The following VPS13B variants were observed in gnomAD, a reference collection of about 807,000 sequenced individuals.
VPS13B encodes intermembrane lipid transfer protein VPS13B.
Under a neutral mutation model 426.4 loss-of-function variants are expected in VPS13B, and 285 were observed. That is an observed-to-expected ratio of 0.67 (90% CI 0.61 to 0.74). The LOEUF (loss-of-function observed/expected upper bound fraction) is 0.74, where lower values mean the gene tolerates loss of function less well. VPS13B is among the 30% of genes least tolerant of loss of function. The pLI, the probability that VPS13B is intolerant of heterozygous loss-of-function variation, is 0.00. For synonymous variants in VPS13B, 1,676 were observed against 1,676.4 expected, an observed-to-expected ratio of 1.00 and a Z score of 0.01; for missense variants, 4,537 against 4,782.6, an observed-to-expected ratio of 0.95 and a Z score of 1.51.
chr8:99,411,281 G>A (rs1397532125), intron 21 of VPS13B, among the ~76,000 whole-genome samples: 5 of 152,142 alleles, frequency 3.3e-5, no homozygotes, highest in Non-Finnish European at 5.9e-5. Flanking sequence ...GTATCTCATT[G>A]TGGTTTTGAT....
chr8:99,818,958 C>CGGG, intron 47 of VPS13B, 70 bp downstream of exon 47: 3 of 286,254 alleles, frequency 1.0e-5, no homozygotes, highest in Admixed American at 4.9e-5. Context: ...TAACCTTGCA[C>CGGG]TGGGGGGCGG....
intron 22 of VPS13B, among the ~76,000 whole-genome samples, chr8:99,433,241 A>G (rs1473404039): frequency 6.6e-6 from 1 of 152,194 alleles, no homozygotes; most frequent in Non-Finnish European, 1.5e-5. Flanking sequence ...TTCACCCACC[A>G]TGGGAAATGA....
chr8:99,533,504 G>T (rs1019021850), intron 30 of VPS13B, among the ~76,000 whole-genome samples: 1 of 152,098 alleles, frequency 6.6e-6, no homozygotes, highest in African/African-American at 2.4e-5. Context: ...CCAATATGAA[G>T]TAACATTAAT....
At chr8:99,688,749 T>A (rs1174118577) in intron 35 of VPS13B, among the ~76,000 whole-genome samples, 1 of 152,046 alleles carries the variant, frequency 6.6e-6, no homozygotes, top group Middle Eastern at 3.2e-3. Context: ...GGCAGATTGA[T>A]TAATAGAAAA....
At chr8:99,868,201 A>G in intron 58 of VPS13B, 88 bp from the exon 59 acceptor site, 1 of 1,559,084 alleles carries the variant, frequency 6.4e-7, no homozygotes, top group Non-Finnish European at 8.8e-7. Flanking sequence ...CTCATTTTCA[A>G]TCCAGATAAA....
chr8:99,014,816 C>T (rs1293460862), intron 2 of VPS13B, among the ~76,000 whole-genome samples: 3 of 151,524 alleles, frequency 2.0e-5, no homozygotes, highest in Non-Finnish European at 4.4e-5. Flanking sequence ...CTTTATTAAT[C>T]GTTTTAGTTT....
intron 3 of VPS13B, among the ~76,000 whole-genome samples, chr8:99,076,310 A>G (rs558143331): frequency 1.3e-5 from 2 of 152,320 alleles, no homozygotes; most frequent in East Asian, 3.9e-4. Context: ...TTATGTGCTG[A>G]TGAGTCGAAT....
At chr8:99,508,230 T>G (rs923853803) in intron 28 of VPS13B, among the ~76,000 whole-genome samples, 6 of 152,190 alleles carry the variant, frequency 3.9e-5, no homozygotes, top group African/African-American at 1.4e-4. Flanking sequence ...CTCTTACGAT[T>G]CTTAATAAGA....
intron 57 of VPS13B, among the ~76,000 whole-genome samples, chr8:99,860,593 C>G (rs1247079150): frequency 2.6e-5 from 4 of 152,144 alleles, no homozygotes; most frequent in South Asian, 4.1e-4. Context: ...TGTTGGCATC[C>G]CTATGTGTGT....
Position 99,744,893 on chromosome 8 carries a change from C to T in VPS13B, c.7051-21881C>T, listed in dbSNP as rs1023213487. On this transcript the variant is annotated intron_variant, in intron 39 of 61. Coordinates refer to ENST00000357162, the MANE Select transcript of VPS13B (RefSeq NM_152564.5). ...TTAAATGACGAGTTAATGGGTGCAG[C>T]ACACCAACATGGCACATGTATACAT... Among the ~76,000 whole-genome samples, 7 of 152,008 alleles carry T rather than the reference C, an allele frequency of 4.6e-5. No individual in the cohort carries two copies. The South Asian group carries it at 8.3e-4, about 18-fold the overall frequency.
chr8:99,042,181 A>C (rs777972397), intron 3 of VPS13B, among the ~76,000 whole-genome samples: 1 of 152,098 alleles, frequency 6.6e-6, no homozygotes, highest in Non-Finnish European at 1.5e-5. Context: ...TGAACCTAAA[A>C]ATCTGAGATT....
rs781276701 is a variant in VPS13B at position 99,776,827 on chromosome 8, A to G, written c.7300A>G (p.Thr2434Ala). 8 of 1,614,054 alleles carry G rather than the reference A, an allele frequency of 5.0e-6. No homozygotes were observed. Among genetic ancestry groups the G allele is most frequent in the Non-Finnish European group, 5.9e-6 (7 of 1,179,954 alleles). Residue 2434 changes from threonine to alanine, a missense_variant, in exon 41 of 62, where the codon ACA becomes GCA. Thr to Ala is a moderately conservative substitution (Grantham distance 58). Transcript: ENST00000357162. ...QSTCDPLVTP[T>A]ALAACTRVDS... ...CACTTGTGATCCACTTGTGACTCCA[A>G]CAGCCCTGGCTGCCTGTACCAGAGT...
chr8:99,725,306 A>G (rs1270843592), intron 39 of VPS13B, among the ~76,000 whole-genome samples: 2 of 152,186 alleles, frequency 1.3e-5, no homozygotes, highest in Non-Finnish European at 2.9e-5. Flanking sequence ...ATGGCCTGTT[A>G]GGAACCAGGC....
At chr8:99,351,504 G>A (rs1413825393) in intron 19 of VPS13B, among the ~76,000 whole-genome samples, 6 of 150,802 alleles carry the variant, frequency 4.0e-5, no homozygotes, top group Non-Finnish European at 7.4e-5. Context: ...TGGTATCTTC[G>A]AATGTGTTCA....
At chr8:99,580,431 G>C (rs1825994106) in intron 33 of VPS13B, among the ~76,000 whole-genome samples, 1 of 151,356 alleles carries the variant, frequency 6.6e-6, no homozygotes, top group African/African-American at 2.4e-5. Context: ...GGCCTCAAGG[G>C]ATCCATCTGC....
chr8:99,438,557 A>G (rs1249544529), intron 22 of VPS13B, among the ~76,000 whole-genome samples: 2 of 152,196 alleles, frequency 1.3e-5, no homozygotes, highest in Non-Finnish European at 2.9e-5. Flanking sequence ...GGAATTTTTA[A>G]TGTCTTCTCT....
chr8:99,629,618 T>C (rs1194677227), intron 33 of VPS13B, among the ~76,000 whole-genome samples: 1 of 152,038 alleles, frequency 6.6e-6, no homozygotes, highest in Admixed American at 6.6e-5. Flanking sequence ...CAAGTGAGGA[T>C]TTGGACATAG....
chr8:99,664,492 G>A (rs554522043), intron 35 of VPS13B, among the ~76,000 whole-genome samples: 8 of 149,290 alleles, frequency 5.4e-5, no homozygotes, highest in African/African-American at 9.8e-5. Flanking sequence ...AACAGTCCCC[G>A]GTGTGTGATG....
intron 17 of VPS13B, among the ~76,000 whole-genome samples, chr8:99,196,939 A>G (rs528964177): frequency 6.6e-6 from 1 of 152,226 alleles, no homozygotes; most frequent in East Asian, 1.9e-4. Flanking sequence ...TCACTCTTCC[A>G]TATGATGTTA....
Sources: allele counts gnomAD v4.1 joint callset (sites outside exome capture counted in the v4.1 genomes callset), GRCh38; gene constraint gnomAD v4.1.1; transcripts MANE v1.5; gene names NCBI Gene and HGNC (gene_info 2026-07-23, HGNC 2026-07-21).